CLCN6: variants seen among roughly 807,000 people sequenced by gnomAD.
CLCN6 encodes Cl-/H+ antiporter 6, also known as H(+)/Cl(-) exchange transporter 6.
In CLCN6, 70 loss-of-function variants were observed where a neutral mutation model predicts 109.8. The ratio of observed to expected loss-of-function variants is 0.64; its 90% CI spans 0.53 to 0.78. The LOEUF is 0.78. Ranked by LOEUF, CLCN6 falls within the 30% of genes least tolerant of loss-of-function variation. The probability of loss-of-function intolerance (pLI) is 0.00; values close to 1 mark genes in which losing one functional copy is unlikely to be tolerated. For missense variants in CLCN6, 984 were observed against 1,142.3 expected, an observed-to-expected ratio of 0.86 and a Z score of 2.00; for synonymous variants, 444 against 447.8, an observed-to-expected ratio of 0.99 and a Z score of 0.11.
chr1:11,823,070 G>A (rs951056693), intron 6 of CLCN6, among the ~76,000 whole-genome samples: 7 of 152,170 alleles, frequency 4.6e-5, no homozygotes, highest in Admixed American at 3.3e-4. Context: ...GGTGCCATGC[G>A]CACTACCTGG....
intron 5 of CLCN6, among the ~76,000 whole-genome samples, chr1:11,821,087 C>CAAAAAAAAAAAAAAAAAAA (rs1262108683): frequency 9.8e-6 from 1 of 102,140 alleles, no homozygotes; most frequent in Non-Finnish European, 2.1e-5. Flanking sequence ...AAAACAACAA[C>CAAAAAAAAAAAAAAAAAAA]AAAAAAAAAA....
At chr1:11,814,894 G>A (rs1247678089) in intron 2 of CLCN6, among the ~76,000 whole-genome samples, 1 of 152,042 alleles carries the variant, frequency 6.6e-6, no homozygotes, top group Non-Finnish European at 1.5e-5. Context: ...TTAGCCGGGC[G>A]TGTTGGCAGG....
Position 11,836,075 on chromosome 1 carries a change from G to T in CLCN6, c.1902G>T (p.Pro634=). ...GCACCACGGTCCACCATGCCTTCCC[G>T]GTGGTCACAGAGAACCGCGGTAACG... The part of the protein sequence containing the change: ...ILRTTVHHAF[P]VVTENRGNEK... Residue 634 remains proline (P), a synonymous_variant, in exon 18 of 23, where the codon CCG becomes CCT. Coordinates refer to ENST00000346436, the MANE Select transcript of CLCN6 (RefSeq NM_001286.5). 1.2e-6 allele frequency: 2 copies of T among 1,614,014 alleles called. No homozygotes were observed. The highest frequency in any genetic ancestry group is 1.7e-6 in the Non-Finnish European group (2 of 1,179,972).
chr1:11,815,370 T>C (rs1644656521), intron 2 of CLCN6, among the ~76,000 whole-genome samples: 1 of 152,192 alleles, frequency 6.6e-6, no homozygotes, highest in Admixed American at 6.5e-5. Flanking sequence ...GCTGCAGGGC[T>C]GCAGGAGTCT....
At chr1:11,824,434 C>A in intron 7 of CLCN6, 52 bp from the exon 8 acceptor site, 2 of 1,481,226 alleles carry the variant, frequency 1.4e-6, no homozygotes, top group Non-Finnish European at 1.9e-6. Flanking sequence ...GTCTCCTGAC[C>A]CAGGGGCGTT....
chr1:11,816,616 A>T lies in CLCN6; in HGVS notation c.215A>T (p.Lys72Ile), dbSNP rs762110634. Residue 72 changes from lysine to isoleucine, a missense_variant and splice_region_variant, in exon 4 of 23, where the codon AAA (lysine) becomes ATA (isoleucine). Lys to Ile is a moderately radical substitution (Grantham distance 102). Transcript: ENST00000346436. ...LEVLETMDNK[K>I]GRRYEAVKWM... ...ATCATTCTTTTCCTGTGTGAACAGA[A>T]AGGTCGAAGATATGAGGCGGTGAAG... The T allele has an allele frequency of 6.2e-7, 1 of 1,612,438 alleles. No individual in the cohort carries two copies. Among genetic ancestry groups the T allele is most frequent in the Non-Finnish European group, 8.5e-7 (1 of 1,179,130 alleles).
Position 11,840,364 on chromosome 1 carries a change from C to T in CLCN6, c.*141C>T. The T allele has an allele frequency of 5.3e-6, 4 of 759,748 alleles. No homozygotes were observed. Among genetic ancestry groups the T allele is most frequent in the Non-Finnish European group, 6.8e-6 (3 of 439,762 alleles). The allele number at this position is 759,748 out of a possible 1,614,324, so 47.1% of individuals were successfully genotyped here. ...TCAGAAAGCCGGGAGTCATCGGACA[C>T]CTTGCTGGTCAGAGGTCCTGGGGGT... On this transcript the variant is annotated 3_prime_UTR_variant, in exon 23 of 23. Coordinates refer to ENST00000346436, the MANE Select transcript of CLCN6 (RefSeq NM_001286.5).
In CLCN6 at chr1:11,834,036, C is replaced by CTG. The variant is rs771219641; in HGVS notation, c.1526+15_1526+16dup. 5.0e-6 allele frequency: 8 copies of CTG among 1,613,772 alleles called. No individual in the cohort carries two copies. Among genetic ancestry groups the CTG allele is most frequent in the Middle Eastern group, 1.7e-4 (1 of 6,046 alleles). The stretch of plus-strand genomic sequence containing the variant: ...GTTGCCAATGTCCTAAAAAGGTACT[C>CTG]TGTGTGTGTGCGTGTGTGTGCGCAT... On this transcript the variant is annotated splice_region_variant and intron_variant, in intron 15 of 22. Transcript: ENST00000346436. This position sits in a 1 kb window ranked among gnomAD's most constrained non-coding sequence, Gnocchi z 4.5.
intron 4 of CLCN6, among the ~76,000 whole-genome samples, chr1:11,817,274 G>A (rs936040189): frequency 1.3e-5 from 2 of 152,150 alleles, no homozygotes; most frequent in East Asian, 1.9e-4. Context: ...AAGCGAAGTC[G>A]TGGGTACGGA....
Position 11,834,856 on chromosome 1 carries a change from T to G in CLCN6, c.1793+266T>G, listed in dbSNP as rs1008396099. Among the ~76,000 whole-genome samples, 1 of 152,168 alleles carries G rather than the reference T, an allele frequency of 6.6e-6. No homozygotes were observed. The highest frequency in any genetic ancestry group is 2.1e-4 in the South Asian group (1 of 4,834). On this transcript the variant is annotated intron_variant, in intron 17 of 22. Transcript: ENST00000346436. This position sits in a 1 kb window ranked among gnomAD's most constrained non-coding sequence, Gnocchi z 4.5. The stretch of plus-strand genomic sequence containing the variant: ...ACTCCCATGGCATTCTGGTTAGATA[T>G]GAGGTGAGGTCTCTGGATCAAGTTC...
chr1:11,831,424 G>A (rs1435269622), intron 13 of CLCN6, among the ~76,000 whole-genome samples: 1 of 145,870 alleles, frequency 6.9e-6, no homozygotes, highest in African/African-American at 2.6e-5. Context: ...CAAAGTGCTA[G>A]GATTGCAGGC....
At position 11,834,589 on chromosome 1, in the gene CLCN6, A is replaced by G. The variant is rs1169273765; in HGVS notation, c.1792A>G (p.Lys598Glu). The G allele has an allele frequency of 6.2e-7, 1 of 1,613,276 alleles. No individual in the cohort carries two copies. Among genetic ancestry groups the G allele is most frequent in the Non-Finnish European group, 8.5e-7 (1 of 1,179,438 alleles). ...LEWETEVEMD[K>E]LRASDIMEPN... is the part of the protein sequence containing the mutation. ...ATGGGAGACAGAGGTGGAAATGGAC[A>G]AGTAAGGCCATGATTTTGCTCATGT... The change falls in exon 17 of 23, where the codon AAG becomes GAG. Residue 598 changes from lysine to glutamate, a missense_variant and splice_region_variant. Transcript: ENST00000346436. This position sits in a 1 kb window ranked among gnomAD's most constrained non-coding sequence, Gnocchi z 4.5.
chr1:11,836,056 C>G lies in CLCN6; in HGVS notation c.1883C>G (p.Thr628Arg). 6.2e-7 allele frequency: 1 copy of G among 1,614,008 alleles called. No individual in the cohort carries two copies. The highest frequency in any genetic ancestry group is 1.3e-5 in the African/African-American group (1 of 75,002). ...TCTCTGGTGAGCATCCTGCGCACCA[C>G]GGTCCACCATGCCTTCCCGGTGGTC... is the stretch of plus-strand genomic sequence containing the variant. ...IQSLVSILRTTVHHAFPVVTE... is the reference protein window; with the variant it reads ...IQSLVSILRTRVHHAFPVVTE... Residue 628 changes from threonine to arginine, a missense_variant, in exon 18 of 23, where the codon ACG becomes AGG. By Grantham distance (71) the Thr-to-Arg change is moderately conservative. Transcript: ENST00000346436.
chr1:11,814,924 TC>T (rs1644649818), intron 2 of CLCN6, among the ~76,000 whole-genome samples: 1 of 151,680 alleles, frequency 6.6e-6, no homozygotes, highest in East Asian at 2.0e-4. Flanking sequence ...TCCCAGCTAC[TC>T]AGGAGGCTGA....
chr1:11,819,502 G>C lies in CLCN6; in HGVS notation c.294G>C (p.Val98=). Residue 98 remains valine (V), a synonymous_variant, in exon 5 of 23, where the codon GTG becomes GTC. Transcript: ENST00000346436. ...GCTCTTCACAGGTGGGTCTCTTTGTGGACTTTTTTGTGCGACTCTTCACCC... is the reference window on the plus strand; with the variant it reads ...GCTCTTCACAGGTGGGTCTCTTTGTCGACTTTTTTGTGCGACTCTTCACCC... ...GVCTGLVGLF[V]DFFVRLFTQL... is the part of the protein sequence containing the mutation. 4 of 1,614,114 alleles carry C rather than the reference G, an allele frequency of 2.5e-6. No individual in the cohort carries two copies. The highest frequency in any genetic ancestry group is 2.5e-6 in the Non-Finnish European group (3 of 1,180,002).
chr1:11,831,188 A>C (rs1644880031), intron 13 of CLCN6, among the ~76,000 whole-genome samples: 1 of 149,108 alleles, frequency 6.7e-6, no homozygotes, highest in Non-Finnish European at 1.5e-5. Context: ...GCAAAGTCTC[A>C]CTCTGTTGCC....
chr1:11,824,608 T>G, intron 8 of CLCN6, 55 bp downstream of exon 8: 2 of 1,479,668 alleles, frequency 1.4e-6, no homozygotes, highest in Non-Finnish European at 1.9e-6. Context: ...GGAGGTCTGG[T>G]TACACTGGGC....
In CLCN6 at chr1:11,816,041, C is replaced by T. The variant is rs888259454; in HGVS notation, c.213+130C>T. ...AACCTTTTCATGCGATACAGGCAGA[C>T]CTCACTTTATGCGCTTTGCTTTATT... On this transcript the variant is annotated intron_variant, in intron 3 of 22. Coordinates refer to ENST00000346436, the MANE Select transcript of CLCN6 (RefSeq NM_001286.5). The T allele has an allele frequency of 3.4e-5, 24 of 702,898 alleles. 1 individual carries two copies. Among genetic ancestry groups the T allele is most frequent in the African/African-American group, 2.9e-4 (16 of 55,288 alleles). The allele number at this position is 702,898 out of a possible 1,614,324, so 43.5% of individuals were successfully genotyped here.
At chr1:11,810,541 C>T (rs1447661923) in intron 2 of CLCN6, among the ~76,000 whole-genome samples, 1 of 152,224 alleles carries the variant, frequency 6.6e-6, no homozygotes, top group Non-Finnish European at 1.5e-5. Context: ...CCCCACCTCC[C>T]TCCCGGCCAG....
Sources: allele counts gnomAD v4.1 joint callset (sites outside exome capture counted in the v4.1 genomes callset), GRCh38; gene constraint gnomAD v4.1.1; non-coding constraint Gnocchi (gnomAD v3.1); transcripts MANE v1.5; gene names NCBI Gene and HGNC (gene_info 2026-07-23, HGNC 2026-07-21).